CTNNA1: variants seen among roughly 807,000 people sequenced by gnomAD.
CTNNA1 encodes the protein catenin alpha 1, also known as catenin alpha-1.
A neutral mutation model predicts 98.4 loss-of-function variants in CTNNA1; 37 were observed. The observed-to-expected ratio is 0.38, with a 90% CI of 0.29 to 0.49. The LOEUF is 0.49. CTNNA1 is among the 20% of genes least tolerant of loss of function. The probability of loss-of-function intolerance (pLI) is 0.95; values close to 1 mark genes in which losing one functional copy is unlikely to be tolerated. For missense variants in CTNNA1, 761 were observed against 1,147.2 expected (o/e 0.66, Z 4.86); for synonymous variants, 404 against 413.2 (o/e 0.98, Z 0.27).
chr5:138,908,377 G>T (rs1174378402), intron 10 of CTNNA1, among the ~76,000 whole-genome samples: 1 of 152,188 alleles, frequency 6.6e-6, no homozygotes, highest in Non-Finnish European at 1.5e-5. Context: ...ATTTGAGATA[G>T]TAAAGTTGAG....
intron 2 of CTNNA1, chr5:138,782,539 C>CAGAG (rs538613821): frequency 1.7e-5 from 4 of 237,408 alleles, no homozygotes; most frequent in East Asian, 1.3e-4. Context: ...GTGAGAGATT[C>CAGAG]AGAGAGAGAG....
intron 10 of CTNNA1, among the ~76,000 whole-genome samples, chr5:138,916,404 T>A (rs1318742571): frequency 8.6e-5 from 13 of 151,898 alleles, no homozygotes; most frequent in Admixed American, 7.2e-4. Context: ...TCTTTTTTTT[T>A]TTTTTTGGAG....
intron 10 of CTNNA1, among the ~76,000 whole-genome samples, chr5:138,917,124 GT>G (rs1156601436): frequency 6.6e-6 from 1 of 152,102 alleles, no homozygotes; most frequent in African/African-American, 2.4e-5. Flanking sequence ...GCAGTTTTTT[GT>G]TTGTCAAATA....
chr5:138,816,265 C>T (rs1177494722), intron 5 of CTNNA1, among the ~76,000 whole-genome samples: 5 of 152,130 alleles, frequency 3.3e-5, no homozygotes, highest in Non-Finnish European at 7.4e-5. Context: ...TGAATATATG[C>T]CACATTTTGT....
At chr5:138,926,665 T>G (rs973016140) in intron 13 of CTNNA1, among the ~76,000 whole-genome samples, 1 of 152,138 alleles carries the variant, frequency 6.6e-6, no homozygotes, top group African/African-American at 2.4e-5. Flanking sequence ...GATCCCAGCT[T>G]CTTCACCCCC....
At chr5:138,888,738 A>G (rs902618924) in intron 9 of CTNNA1, among the ~76,000 whole-genome samples, 4 of 149,736 alleles carry the variant, frequency 2.7e-5, no homozygotes, top group Non-Finnish European at 5.9e-5. Flanking sequence ...TTTTTTTTTT[A>G]GTAGAGACGG....
intron 7 of CTNNA1, among the ~76,000 whole-genome samples, chr5:138,885,214 C>G (rs1753772835): frequency 6.6e-6 from 1 of 152,130 alleles, no homozygotes; most frequent in Non-Finnish European, 1.5e-5. Flanking sequence ...CCTAACCATT[C>G]ATCTGCTCTA....
At chr5:138,882,086 C>G (rs567551001) in intron 7 of CTNNA1, among the ~76,000 whole-genome samples, 1 of 152,310 alleles carries the variant, frequency 6.6e-6, no homozygotes, top group South Asian at 2.1e-4. Context: ...TCATTTCATT[C>G]ATGTCCAATG....
chr5:138,882,714 C>T (rs989142522), intron 7 of CTNNA1, among the ~76,000 whole-genome samples: 7 of 152,174 alleles, frequency 4.6e-5, no homozygotes, highest in East Asian at 1.9e-4. Context: ...AATAGTTATA[C>T]GCTACAGGGT....
chr5:138,910,347 G>C (rs1760338469), intron 10 of CTNNA1, among the ~76,000 whole-genome samples: 2 of 148,384 alleles, frequency 1.3e-5, no homozygotes, highest in Non-Finnish European at 3.0e-5. Flanking sequence ...GCTGGGCCTG[G>C]AATTTGCTTT....
chr5:138,766,904 G>A (rs1409739692), intron 1 of CTNNA1, among the ~76,000 whole-genome samples: 1 of 152,118 alleles, frequency 6.6e-6, no homozygotes, highest in Non-Finnish European at 1.5e-5. Context: ...TTTTTAGGGG[G>A]CAGAGGGAAG....
At chr5:138,781,463 A>G (rs1430837956) in intron 1 of CTNNA1, among the ~76,000 whole-genome samples, 1 of 151,956 alleles carries the variant, frequency 6.6e-6, no homozygotes, top group Non-Finnish European at 1.5e-5. Flanking sequence ...GGCTGAGGCC[A>G]GAGAATGGCG....
At chr5:138,811,753 C>CA (rs1245880886) in intron 4 of CTNNA1, among the ~76,000 whole-genome samples, 5 of 151,976 alleles carry the variant, frequency 3.3e-5, no homozygotes, top group Admixed American at 6.6e-5. Flanking sequence ...CCGTCTCCAC[C>CA]AAAAAAATAC....
rs139943017 is a variant in CTNNA1 at position 138,789,229 on chromosome 5, ATAAT to A, written c.301+5862_301+5865del. ...TTATAATGATACATGAATACGAAAA[ATAAT>A]TAATAGCATGAGTGGCAGAGGAATG... On this transcript the variant is annotated intron_variant, in intron 3 of 17. Coordinates refer to ENST00000302763, the MANE Select transcript of CTNNA1 (RefSeq NM_001903.5). Among the ~76,000 whole-genome samples, 498 of 152,122 alleles carry A rather than the reference ATAAT, an allele frequency of 3.3e-3. 1 individual carries two copies. The highest frequency in any genetic ancestry group is 0.012 in the African/African-American group (485 of 41,516).
intron 7 of CTNNA1, among the ~76,000 whole-genome samples, chr5:138,831,881 A>G (rs530371071): frequency 2.6e-4 from 40 of 152,228 alleles, no homozygotes; most frequent in Non-Finnish European, 3.7e-4. Flanking sequence ...AATGAATAAA[A>G]TGAATAATTT....
chr5:138,821,399 T>C (rs1346869937), intron 5 of CTNNA1, among the ~76,000 whole-genome samples: 2 of 152,250 alleles, frequency 1.3e-5, no homozygotes, highest in African/African-American at 4.8e-5. Flanking sequence ...ATGCTTCTTA[T>C]TTATTACCTA....
chr5:138,926,564 C>T (rs1054761991), intron 13 of CTNNA1, among the ~76,000 whole-genome samples: 9 of 152,146 alleles, frequency 5.9e-5, no homozygotes, highest in Non-Finnish European at 1.0e-4. Context: ...CTCTGCATCC[C>T]ATGTCTGTGT....
At chr5:138,863,604 T>A (rs543983042) in intron 7 of CTNNA1, among the ~76,000 whole-genome samples, 4 of 152,306 alleles carry the variant, frequency 2.6e-5, no homozygotes, top group African/African-American at 9.6e-5. Context: ...TATAGATTCT[T>A]ACCTAAGGAG....
intron 1 of CTNNA1, among the ~76,000 whole-genome samples, chr5:138,759,643 AT>A: frequency 6.6e-6 from 1 of 152,302 alleles, no homozygotes; most frequent in Non-Finnish European, 1.5e-5. Context: ...AGCAATTAGA[AT>A]ACGGATCCCT....
Sources: gnomAD v4.1 joint callset for allele counts (sites outside exome capture counted in the v4.1 genomes callset) on GRCh38, gnomAD v4.1.1 for gene constraint, MANE v1.5 for transcripts, NCBI Gene and HGNC (gene_info 2026-07-23, HGNC 2026-07-21) for gene names.